Variants in DLG2 observed in about 807,000 individuals in gnomAD.
The protein encoded by DLG2 is discs large MAGUK scaffold protein 2.
Under a neutral mutation model 132.5 loss-of-function variants are expected in DLG2, and 45 were observed. That is an observed-to-expected ratio of 0.34 (90% CI 0.27 to 0.44). DLG2 has a LOEUF of 0.44. Ranked by LOEUF, DLG2 falls within the 20% of genes least tolerant of loss-of-function variation. The pLI is 1.00. For missense variants in DLG2, 1,045 were observed against 1,196.9 expected, an observed-to-expected ratio of 0.87 and a Z score of 1.87; for synonymous variants, 424 against 419.6, an observed-to-expected ratio of 1.01 and a Z score of -0.13.
chr11:83,800,134 A>T (rs1020731885), intron 17 of DLG2, among the ~76,000 whole-genome samples: 1 of 152,172 alleles, frequency 6.6e-6, no homozygotes, highest in African/African-American at 2.4e-5. Context: ...TTGACCAGGG[A>T]AAAGTGCTAG....
intron 6 of DLG2, among the ~76,000 whole-genome samples, chr11:85,033,971 C>G (rs1461049591): frequency 1.3e-5 from 2 of 152,006 alleles, no homozygotes; most frequent in Non-Finnish European, 2.9e-5. Flanking sequence ...TTGGTCTTTA[C>G]AGGTATTAGC....
intron 6 of DLG2, among the ~76,000 whole-genome samples, chr11:84,910,969 G>T (rs962319990): frequency 2.6e-5 from 4 of 152,162 alleles, no homozygotes; most frequent in African/African-American, 9.7e-5. Context: ...GAAACTAGAT[G>T]GCAGGGTCTG....
chr11:84,771,304 T>C (rs1283701882), intron 6 of DLG2, among the ~76,000 whole-genome samples: 1 of 152,210 alleles, frequency 6.6e-6, no homozygotes, highest in East Asian at 1.9e-4. Flanking sequence ...TTTTTAATAA[T>C]AGCCATTCTA....
chr11:83,687,702 T>C (rs1484505568), intron 18 of DLG2, among the ~76,000 whole-genome samples: 3 of 152,162 alleles, frequency 2.0e-5, no homozygotes, highest in East Asian at 1.9e-4. Context: ...CTGTGGCCTA[T>C]AGAAGTTTGT....
chr11:85,379,465 G>A (rs952758468), intron 3 of DLG2, among the ~76,000 whole-genome samples: 1 of 152,152 alleles, frequency 6.6e-6, no homozygotes, highest in African/African-American at 2.4e-5. Flanking sequence ...ATTGACTTAA[G>A]AGTGGAACGA....
rs189014417 is a variant in DLG2 at position 83,481,305 on chromosome 11, C to T, written c.2293+2824G>A. On this transcript the variant is annotated intron_variant, in intron 22 of 27. Coordinates refer to ENST00000376104, the MANE Select transcript of DLG2 (RefSeq NM_001142699.3). ...TCTTATTTCTAAAATCATTTTCGCTCATCCATACTGCTTGTTAAGTTATAG... is the reference window on the plus strand; with the variant it reads ...TCTTATTTCTAAAATCATTTTCGCTTATCCATACTGCTTGTTAAGTTATAG... 3.7e-3 allele frequency among the ~76,000 whole-genome samples: 570 copies of T among 152,066 alleles called. 1 individual carries two copies. The highest frequency in any genetic ancestry group is 0.012 in the African/African-American group (503 of 41,502).
chr11:85,236,322 T>C (rs990758483), intron 4 of DLG2, among the ~76,000 whole-genome samples: 5 of 152,022 alleles, frequency 3.3e-5, no homozygotes, highest in Non-Finnish European at 7.4e-5. Context: ...CAGAAATTTA[T>C]TCTCTCACAG....
At chr11:84,145,118 A>C (rs1031461556) in intron 9 of DLG2, among the ~76,000 whole-genome samples, 1 of 152,198 alleles carries the variant, frequency 6.6e-6, no homozygotes, top group Non-Finnish European at 1.5e-5. Context: ...TTATGGAAAT[A>C]AATCTACTTT....
chr11:83,729,731 T>C (rs913396204), intron 18 of DLG2, among the ~76,000 whole-genome samples: 4 of 152,222 alleles, frequency 2.6e-5, no homozygotes, highest in Admixed American at 1.3e-4. Flanking sequence ...GGAGATTCTA[T>C]ACATTAGACT....
intron 6 of DLG2, among the ~76,000 whole-genome samples, chr11:84,971,718 A>T (rs1016543372): frequency 3.9e-5 from 6 of 152,182 alleles, no homozygotes; most frequent in Admixed American, 1.3e-4. Flanking sequence ...AAAGCCCTAC[A>T]GTCATGTTAA....
chr11:84,716,240 G>A (rs1043691600), intron 6 of DLG2, among the ~76,000 whole-genome samples: 1 of 151,748 alleles, frequency 6.6e-6, no homozygotes, highest in African/African-American at 2.4e-5. Flanking sequence ...GGTCCCTTGT[G>A]CATTTTTTTT....
chr11:84,739,949 C>T (rs2064374531), intron 6 of DLG2, among the ~76,000 whole-genome samples: 1 of 151,992 alleles, frequency 6.6e-6, no homozygotes, highest in Admixed American at 6.6e-5. Flanking sequence ...TGTGCCCAGG[C>T]CCCAGCTAGG....
At chr11:83,472,598 G>T in intron 23 of DLG2, 129 bp downstream of exon 23, 1 of 735,422 alleles carries the variant, frequency 1.4e-6, no homozygotes, top group Non-Finnish European at 2.3e-6. Flanking sequence ...GTAAGAGTAA[G>T]GTACGGTCTC....
intron 3 of DLG2, among the ~76,000 whole-genome samples, chr11:85,461,748 C>T (rs1183392333): frequency 6.6e-6 from 1 of 152,086 alleles, no homozygotes; most frequent in Non-Finnish European, 1.5e-5. Flanking sequence ...ATGTAGTGAA[C>T]TCCCTATTAT....
intron 6 of DLG2, chr11:85,021,047 C>T (rs2060020649): frequency 1.3e-6 from 1 of 772,518 alleles, no homozygotes; most frequent in African/African-American, 1.7e-5. Context: ...CAATTTCTTC[C>T]AGGTTTCCCA....
At chr11:85,338,619 A>G (rs773896278) in intron 3 of DLG2, among the ~76,000 whole-genome samples, 7 of 151,954 alleles carry the variant, frequency 4.6e-5, no homozygotes, top group Non-Finnish European at 1.0e-4. Context: ...ATATACTCAG[A>G]TAAGTATATC....
chr11:83,563,316 T>C (rs2096647132), intron 19 of DLG2, among the ~76,000 whole-genome samples: 1 of 152,158 alleles, frequency 6.6e-6, no homozygotes, highest in Non-Finnish European at 1.5e-5. Flanking sequence ...CTGAAACTTC[T>C]AAATTAAACG....
Position 83,459,532 on chromosome 11 carries a change from C to G in DLG2, c.*286G>C, listed in dbSNP as rs1398600853. ...GGACATCTGCTGGGGTGAGGAGGCT[C>G]TCATCTCATCTCTTGGGCAGAAAGC... On this transcript the variant is annotated 3_prime_UTR_variant, in exon 28 of 28. Transcript: ENST00000376104. 4.4e-5 allele frequency: 11 copies of G among 251,032 alleles called. No individual in the cohort carries two copies. Among genetic ancestry groups the G allele is most frequent in the Non-Finnish European group, 8.5e-5 (11 of 129,732 alleles). 15.6% of individuals were successfully genotyped at this position (251,032 alleles called of 1,614,324 possible).
intron 7 of DLG2, among the ~76,000 whole-genome samples, chr11:84,446,524 G>T (rs2099035448): frequency 6.6e-6 from 1 of 151,122 alleles, no homozygotes; most frequent in African/African-American, 2.4e-5. Flanking sequence ...TCTTCTAGTT[G>T]TCCAGAGATT....
Sources: allele counts gnomAD v4.1 joint callset (sites outside exome capture counted in the v4.1 genomes callset), GRCh38; gene constraint gnomAD v4.1.1; transcripts MANE v1.5; gene names NCBI Gene and HGNC (gene_info 2026-07-23, HGNC 2026-07-21).